The following DLG2 variants were observed in gnomAD, a reference collection of about 807,000 sequenced individuals.
DLG2 encodes the protein disks large homolog 2.
Under a neutral mutation model 132.5 loss-of-function variants are expected in DLG2, and 45 were observed. The ratio of observed to expected loss-of-function variants is 0.34; its 90% CI spans 0.27 to 0.44. DLG2 has a LOEUF of 0.44. DLG2 is among the 20% of genes least tolerant of loss of function. The pLI, the probability that DLG2 is intolerant of heterozygous loss-of-function variation, is 1.00. For synonymous variants in DLG2, 424 were observed against 419.6 expected (o/e 1.01, Z -0.13); for missense variants, 1,045 against 1,196.9 (o/e 0.87, Z 1.87).
At chr11:83,557,431 T>C (rs1396833144) in intron 19 of DLG2, among the ~76,000 whole-genome samples, 1 of 152,220 alleles carries the variant, frequency 6.6e-6, no homozygotes, top group Non-Finnish European at 1.5e-5. Flanking sequence ...TTTGGAGTGA[T>C]AACTTTAAAG....
At chr11:84,860,031 C>T (rs1346663470) in intron 6 of DLG2, among the ~76,000 whole-genome samples, 1 of 152,128 alleles carries the variant, frequency 6.6e-6, no homozygotes, top group African/African-American at 2.4e-5. Context: ...AGGCTGGTAG[C>T]CCTTCAGCAG....
At chr11:84,930,275 C>T (rs1431920202) in intron 6 of DLG2, among the ~76,000 whole-genome samples, 1 of 152,108 alleles carries the variant, frequency 6.6e-6, no homozygotes, top group Non-Finnish European at 1.5e-5. Context: ...CTCTTATTGC[C>T]TTTTGTGCCT....
At chr11:83,823,865 C>CT (rs545449191) in intron 17 of DLG2, among the ~76,000 whole-genome samples, 3 of 152,196 alleles carry the variant, frequency 2.0e-5, no homozygotes, top group South Asian at 2.1e-4. Flanking sequence ...TTTAAATGCT[C>CT]TTTTTTTAGG....
chr11:84,293,554 A>G (rs909864794), intron 7 of DLG2, among the ~76,000 whole-genome samples: 6 of 152,148 alleles, frequency 3.9e-5, no homozygotes, highest in Admixed American at 1.3e-4. Flanking sequence ...GGCACCTGTA[A>G]TATCAGCTAC....
chr11:84,725,615 C>A (rs529913553), intron 6 of DLG2, among the ~76,000 whole-genome samples: 3 of 152,202 alleles, frequency 2.0e-5, no homozygotes, highest in African/African-American at 7.2e-5. Flanking sequence ...CTAACAGTAA[C>A]AAAGTATATA....
chr11:84,783,866 T>C (rs1438434833), intron 6 of DLG2, among the ~76,000 whole-genome samples: 4 of 152,076 alleles, frequency 2.6e-5, no homozygotes, highest in Non-Finnish European at 5.9e-5. Context: ...AGTAAACATA[T>C]ATGTTAAGCT....
In DLG2 at chr11:84,392,029, G is replaced by T. The variant is rs557198748; in HGVS notation, c.520-140738C>A. ...TTCTTATCTATACAATAGGGATTTGGTATCTACCTAATGGAGTCTTTGTGA... is the reference window on the plus strand; with the variant it reads ...TTCTTATCTATACAATAGGGATTTGTTATCTACCTAATGGAGTCTTTGTGA... On this transcript the variant is annotated intron_variant, in intron 7 of 27. Transcript: ENST00000376104. 8.5e-5 allele frequency among the ~76,000 whole-genome samples: 13 copies of T among 152,204 alleles called. No homozygotes were observed. In the South Asian group the frequency reaches 2.7e-3, roughly 32 times the overall value.
At chr11:85,141,516 T>C (rs1297941128) in intron 5 of DLG2, among the ~76,000 whole-genome samples, 1 of 151,774 alleles carries the variant, frequency 6.6e-6, no homozygotes, top group East Asian at 1.9e-4. Context: ...ATTTGTCTCA[T>C]TTGTTGATTA....
At chr11:84,681,492 G>A (rs923243795) in intron 6 of DLG2, among the ~76,000 whole-genome samples, 8 of 152,086 alleles carry the variant, frequency 5.3e-5, no homozygotes, top group African/African-American at 1.2e-4. Flanking sequence ...GGGGGGTACC[G>A]GTTTCAGTAT....
At chr11:83,820,813 T>C (rs1021972397) in intron 17 of DLG2, among the ~76,000 whole-genome samples, 5 of 152,204 alleles carry the variant, frequency 3.3e-5, no homozygotes, top group African/African-American at 1.2e-4. Flanking sequence ...TCCTATCTAC[T>C]GATCCATATT....
intron 11 of DLG2, among the ~76,000 whole-genome samples, chr11:84,050,120 T>C (rs1179244935): frequency 6.7e-6 from 1 of 149,082 alleles, no homozygotes; most frequent in Non-Finnish European, 1.5e-5. Context: ...GTGCCTAAAA[T>C]GCTACTTACT....
intron 8 of DLG2, among the ~76,000 whole-genome samples, chr11:84,243,605 T>C (rs1300803276): frequency 3.3e-5 from 5 of 152,222 alleles, no homozygotes; most frequent in Non-Finnish European, 7.3e-5. Context: ...ACATAGTTTC[T>C]GATTTAGTAG....
chr11:84,259,041 C>G (rs1018661562), intron 7 of DLG2, among the ~76,000 whole-genome samples: 2 of 152,146 alleles, frequency 1.3e-5, no homozygotes, highest in South Asian at 4.1e-4. Flanking sequence ...GGATGCCAAG[C>G]CAGGCAGATC....
At chr11:83,697,916 A>C (rs1387441731) in intron 18 of DLG2, among the ~76,000 whole-genome samples, 2 of 152,194 alleles carry the variant, frequency 1.3e-5, no homozygotes, top group Non-Finnish European at 2.9e-5. Flanking sequence ...AAAGACTTGC[A>C]ATGGGTTTGG....
At chr11:83,704,864 C>G (rs1450195346) in intron 18 of DLG2, among the ~76,000 whole-genome samples, 1 of 151,946 alleles carries the variant, frequency 6.6e-6, no homozygotes, top group Non-Finnish European at 1.5e-5. Context: ...AGGAAAAAAA[C>G]TGAGTATAAC....
intron 3 of DLG2, among the ~76,000 whole-genome samples, chr11:85,443,474 T>C (rs929833514): frequency 2.0e-5 from 3 of 152,212 alleles, no homozygotes; most frequent in Non-Finnish European, 4.4e-5. Context: ...CCAACTTTAA[T>C]ATTCTATGTT....
At chr11:83,824,928 T>C (rs1313396079) in intron 17 of DLG2, among the ~76,000 whole-genome samples, 5 of 152,004 alleles carry the variant, frequency 3.3e-5, no homozygotes. Context: ...ATAGTATGTT[T>C]ATGACACATT....
At chr11:84,355,511 T>G (rs1335964979) in intron 7 of DLG2, among the ~76,000 whole-genome samples, 1 of 152,110 alleles carries the variant, frequency 6.6e-6, no homozygotes, top group Non-Finnish European at 1.5e-5. Context: ...GACCTTCACC[T>G]GACGCCAAAT....
chr11:85,479,520 C>T (rs1374128177), intron 3 of DLG2, among the ~76,000 whole-genome samples: 2 of 152,164 alleles, frequency 1.3e-5, no homozygotes, highest in East Asian at 1.9e-4. Context: ...AAAAACATTA[C>T]TTTAAAATAA....
Sources: allele counts gnomAD v4.1 joint callset (sites outside exome capture counted in the v4.1 genomes callset), GRCh38; gene constraint gnomAD v4.1.1; transcripts MANE v1.5; gene names NCBI Gene and HGNC (gene_info 2026-07-23, HGNC 2026-07-21).